Variants in THADA observed in about 807,000 individuals in gnomAD.
THADA encodes tRNA (32-2'-O)-methyltransferase regulator THADA.
THADA carries 213 observed loss-of-function variants against 219.8 expected under a neutral mutation model. That is an observed-to-expected ratio of 0.97 (90% CI 0.87 to 1.09). The LOEUF (loss-of-function observed/expected upper bound fraction) is 1.09, where lower values mean the gene tolerates loss of function less well. Ranked by LOEUF, THADA falls within the 50% of genes least tolerant of loss-of-function variation. The probability of loss-of-function intolerance (pLI) is 0.00; values close to 1 mark genes in which losing one functional copy is unlikely to be tolerated. For missense variants in THADA, 2,956 were observed against 2,311.3 expected (o/e 1.28, Z -5.72); for synonymous variants, 1,018 against 828.9 (o/e 1.23, Z -3.92).
intron 31 of THADA, among the ~76,000 whole-genome samples, chr2:43,309,410 G>A (rs763770924): frequency 6.6e-6 from 1 of 151,770 alleles, no homozygotes; most frequent in African/African-American, 2.4e-5. Flanking sequence ...CATTATTCAC[G>A]ATCTCCAAAA....
intron 24 of THADA, among the ~76,000 whole-genome samples, chr2:43,502,775 A>C (rs1689167633): frequency 6.6e-6 from 1 of 151,940 alleles, no homozygotes; most frequent in Admixed American, 6.5e-5. Context: ...TAAAAAGAGA[A>C]AACATAGTTT....
chr2:43,574,808 GAGA>G lies in THADA; in HGVS notation c.1254_1256del (p.Leu419del). 6.2e-7 allele frequency: 1 copy of G among 1,613,998 alleles called. No individual in the cohort carries two copies. Among genetic ancestry groups the G allele is most frequent in the African/African-American group, 1.3e-5 (1 of 75,042 alleles). ...CTTCCACAGTGAGCCGGTGCATTTG[GAGA>G]AGGTTTTTGAACATGATTTTGGTTT... On this transcript the variant is annotated inframe_deletion, in exon 11 of 38. Coordinates refer to ENST00000405975, the MANE Select transcript of THADA (RefSeq NM_022065.5).
chr2:43,467,874 A>G (rs1684445554), intron 26 of THADA, among the ~76,000 whole-genome samples: 1 of 152,236 alleles, frequency 6.6e-6, no homozygotes, highest in African/African-American at 2.4e-5. Context: ...CAGCCCTACA[A>G]ACTATGAACA....
At chr2:43,526,795 G>A (rs1693222438) in intron 22 of THADA, among the ~76,000 whole-genome samples, 1 of 151,986 alleles carries the variant, frequency 6.6e-6, no homozygotes, top group African/African-American at 2.4e-5. Flanking sequence ...TTAATAACAG[G>A]AACTTCATCT....
At chr2:43,281,948 T>C (rs566088451) in intron 35 of THADA, among the ~76,000 whole-genome samples, 1 of 152,268 alleles carries the variant, frequency 6.6e-6, no homozygotes, top group South Asian at 2.1e-4. Flanking sequence ...TTTTTTATTA[T>C]TTGTAGACAA....
intron 26 of THADA, among the ~76,000 whole-genome samples, chr2:43,464,714 AAAC>A (rs1235227721): frequency 6.6e-6 from 1 of 151,928 alleles, no homozygotes; most frequent in East Asian, 1.9e-4. Context: ...GCATTCCTAC[AAAC>A]AACAGTCTTT....
At chr2:43,375,600 G>A (rs1671280586) in intron 29 of THADA, among the ~76,000 whole-genome samples, 1 of 152,152 alleles carries the variant, frequency 6.6e-6, no homozygotes, top group Non-Finnish European at 1.5e-5. Context: ...AGTGAAGCTA[G>A]CATGCACTTC....
intron 36 of THADA, among the ~76,000 whole-genome samples, chr2:43,248,162 TATAGAGAGAGAGAGAGAGAGAGAG>T (rs1669410514): frequency 3.2e-4 from 14 of 44,396 alleles, no homozygotes; most frequent in Middle Eastern, 0.011. Context: ...TATATATATA[TATAGAGAGAGAGAGAGAGAGAGAG>T]AGAGAGAGAG....
At chr2:43,314,826 T>A (rs1346212393) in intron 31 of THADA, among the ~76,000 whole-genome samples, 10 of 152,012 alleles carry the variant, frequency 6.6e-5, no homozygotes, top group Non-Finnish European at 1.5e-4. Context: ...GGACAGAGAG[T>A]CCTTGTGGGT....
At chr2:43,299,052 T>C (rs767016440) in intron 31 of THADA, among the ~76,000 whole-genome samples, 10 of 152,138 alleles carry the variant, frequency 6.6e-5, no homozygotes, top group African/African-American at 7.2e-5. Flanking sequence ...ATGCAGTTTA[T>C]TCAGTGTCCC....
intron 28 of THADA, among the ~76,000 whole-genome samples, chr2:43,421,072 G>A (rs1036584529): frequency 6.6e-6 from 1 of 152,182 alleles, no homozygotes; most frequent in African/African-American, 2.4e-5. Flanking sequence ...ATTTCAAAAT[G>A]TATGTATCTG....
chr2:43,238,721 G>T (rs1668319868), intron 36 of THADA, among the ~76,000 whole-genome samples: 1 of 152,158 alleles, frequency 6.6e-6, no homozygotes, highest in Admixed American at 6.5e-5. Context: ...ATGTCCATCA[G>T]CTAATAAATG....
In THADA at chr2:43,541,300, T is replaced by C. The variant is rs1266504515; in HGVS notation, c.3123A>G (p.Thr1041=). 3 of 1,612,788 alleles carry C rather than the reference T, an allele frequency of 1.9e-6. No individual in the cohort carries two copies. Among genetic ancestry groups the C allele is most frequent in the Non-Finnish European group, 2.5e-6 (3 of 1,179,428 alleles). The part of the protein sequence containing the change: ...STEIKGKEVK[T]CDVTAQMVLV... ...GCACCATCTGCGCAGTTACATCACA[T>C]GTTTTTACTTCTTTACCTTAAACAA... Residue 1041 remains threonine, a synonymous_variant, in exon 21 of 38, where the codon ACA becomes ACG. Transcript: ENST00000405975.
chr2:43,336,201 C>T (rs1234357391), intron 30 of THADA, among the ~76,000 whole-genome samples: 3 of 152,118 alleles, frequency 2.0e-5, no homozygotes, highest in Non-Finnish European at 4.4e-5. Context: ...CAAGGCTGCA[C>T]TGAGCTATGA....
At chr2:43,433,273 T>C in intron 26 of THADA, among the ~76,000 whole-genome samples, 1 of 152,108 alleles carries the variant, frequency 6.6e-6, no homozygotes. Flanking sequence ...CTCACACCTG[T>C]AATCCCAACA....
At chr2:43,527,506 G>C (rs2103725789) in intron 22 of THADA, among the ~76,000 whole-genome samples, 1 of 151,962 alleles carries the variant, frequency 6.6e-6, no homozygotes, top group East Asian at 1.9e-4. Flanking sequence ...ATCCTTAAGT[G>C]CTTCTGTAAT....
intron 36 of THADA, 119 bp downstream of exon 36, chr2:43,279,646 G>A: frequency 7.6e-7 from 1 of 1,320,116 alleles, no homozygotes; most frequent in Non-Finnish European, 1.0e-6. Context: ...AGATGGCAGA[G>A]TTGAGACACA....
At chr2:43,399,546 A>G (rs748049412) in intron 28 of THADA, among the ~76,000 whole-genome samples, 2 of 152,184 alleles carry the variant, frequency 1.3e-5, no homozygotes, top group African/African-American at 4.8e-5. Context: ...GGGGAAGAGG[A>G]AAAAGAAGTA....
intron 26 of THADA, among the ~76,000 whole-genome samples, chr2:43,435,373 C>T (rs2104839645): frequency 6.6e-6 from 1 of 151,828 alleles, no homozygotes; most frequent in African/African-American, 2.4e-5. Context: ...GCAGGAGAAT[C>T]ACTTGAATCT....
Sources: gnomAD v4.1 joint callset for allele counts (sites outside exome capture counted in the v4.1 genomes callset) on GRCh38, gnomAD v4.1.1 for gene constraint, MANE v1.5 for transcripts, NCBI Gene and HGNC (gene_info 2026-07-23, HGNC 2026-07-21) for gene names.